The following RHOT2 variants were observed in gnomAD, a reference collection of about 807,000 sequenced individuals.
The protein encoded by RHOT2 is mitochondrial Rho GTPase 2.
RHOT2 carries 90 observed loss-of-function variants against 81.6 expected under a neutral mutation model. That is an observed-to-expected ratio of 1.10 (90% CI 0.93 to 1.31). The LOEUF is 1.31. Among genes scored for constraint, RHOT2 ranks in the 40% most tolerant of loss-of-function variants. RHOT2 has a pLI of 0.00. For missense variants in RHOT2, 1,014 were observed against 841.9 expected, an observed-to-expected ratio of 1.20 and a Z score of -2.53; for synonymous variants, 512 against 370.9, an observed-to-expected ratio of 1.38 and a Z score of -4.37.
At position 670,117 on chromosome 16, in the gene RHOT2, T is replaced by C. The variant is rs1437134701; in HGVS notation, c.277-6T>C. ...CCTCACTTCACAGCCAGGCTTTGCT[T>C]TTCAGATTCGAACTAAGTGGATCCC... is the stretch of plus-strand genomic sequence containing the variant. On this transcript the variant is annotated splice_polypyrimidine_tract_variant and splice_region_variant and intron_variant, in intron 5 of 18. Transcript: ENST00000315082. 2 of 1,559,624 alleles carry C rather than the reference T, an allele frequency of 1.3e-6. No individual in the cohort carries two copies. Among genetic ancestry groups the C allele is most frequent in the Non-Finnish European group, 1.7e-6 (2 of 1,154,198 alleles).
intron 5 of RHOT2, 77 bp downstream of exon 5, chr16:669,683 T>C: frequency 6.9e-7 from 1 of 1,450,248 alleles, no homozygotes; most frequent in South Asian, 1.1e-5. Context: ...ACCCAACCCG[T>C]GGCCAGTGCC....
rs888637889 is a variant in RHOT2, at chr16:671,850, C to A, written c.955-10C>A. On this transcript the variant is annotated splice_polypyrimidine_tract_variant and intron_variant, in intron 12 of 18. Coordinates refer to ENST00000315082, the MANE Select transcript of RHOT2 (RefSeq NM_138769.3). ...CCGGCACACACATCACCACATCCCT[C>A]CTTCTGCAGGACCGCGACGGCGCCC... The A allele has an allele frequency of 3.1e-6, 5 of 1,597,542 alleles. No homozygotes were observed. The highest frequency in any genetic ancestry group is 4.3e-6 in the Non-Finnish European group (5 of 1,174,494).
At position 673,486 on chromosome 16, in the gene RHOT2, G is replaced by A. The variant is rs2039303981; in HGVS notation, c.1737G>A (p.Leu579=). 6.2e-7 allele frequency: 1 copy of A among 1,612,654 alleles called. No individual in the cohort carries two copies. Among genetic ancestry groups the A allele is most frequent in the Non-Finnish European group, 8.5e-7 (1 of 1,179,910 alleles). ...TGATTCTTCTCTCTTGCAGACATTT[G>A]GTCCACGCAGAGCTGCATCCCTCTT... The part of the protein sequence containing the change: ...QLATMAAFPH[L]VHAELHPSSF... Residue 579 remains leucine (L), a synonymous_variant, in exon 19 of 19, where the codon TTG becomes TTA. Coordinates refer to ENST00000315082, the MANE Select transcript of RHOT2 (RefSeq NM_138769.3).
rs2039071886 is a variant in RHOT2 at position 672,182 on chromosome 16, G to A, written c.1195+1G>A. The A allele has an allele frequency of 2.5e-6, 4 of 1,612,702 alleles. No homozygotes were observed. Among genetic ancestry groups the A allele is most frequent in the African/African-American group, 1.3e-5 (1 of 75,060 alleles). ...CAGGACCAGGCCCATGCCATCACAGGTAGGCACCCACCCTCCCTGGGCCTG... is the reference window on the plus strand; with the variant it reads ...CAGGACCAGGCCCATGCCATCACAGATAGGCACCCACCCTCCCTGGGCCTG... On this transcript the variant is annotated splice_donor_variant, in intron 14 of 18. Transcript: ENST00000315082. LOFTEE classifies it high-confidence loss of function.
rs576168319 is a variant in RHOT2 at position 673,682 on chromosome 16, G to C, written c.*76G>C. ...GGGGCTCTGCAGGGGCAGCACAGCT[G>C]GGGTGCAGGCCAGGCTGCCACTCCG... On this transcript the variant is annotated 3_prime_UTR_variant, in exon 19 of 19. Transcript: ENST00000315082. 2.0e-6 allele frequency: 3 copies of C among 1,534,184 alleles called. No homozygotes were observed. Among genetic ancestry groups the C allele is most frequent in the South Asian group, 2.5e-5 (2 of 81,470 alleles).
chr16:669,564 G>T lies in RHOT2; in HGVS notation c.234G>T (p.Val78=), dbSNP rs2151453941. Residue 78 remains valine (V), a synonymous_variant, in exon 5 of 19, where the codon GTG becomes GTT. Transcript: ENST00000315082. The stretch of plus-strand genomic sequence containing the variant: ...CACTGTTCCCTCAGGCAAACGTGGT[G>T]TGTGTGGTGTATGACGTCTCTGAGG... The part of the protein sequence containing the change: ...LREEIHKANV[V]CVVYDVSEEA... The T allele has an allele frequency of 1.9e-6, 3 of 1,612,022 alleles. No individual in the cohort carries two copies. The highest frequency in any genetic ancestry group is 1.7e-4 in the Middle Eastern group (1 of 6,052).
In RHOT2 at chr16:671,443, C is replaced by CGCGT. The variant is rs544325216; in HGVS notation, c.869+242_869+245dup. The stretch of plus-strand genomic sequence containing the variant: ...GGGCTGGCCCTTTGCCAACCCCGCT[C>CGCGT]GCGTGGCTTGTTTACCCTGCTGGGG... On this transcript the variant is annotated intron_variant, in intron 11 of 18. Coordinates refer to ENST00000315082, the MANE Select transcript of RHOT2 (RefSeq NM_138769.3). 9.3e-4 allele frequency: 659 copies of CGCGT among 705,114 alleles called. 5 individuals are homozygous for CGCGT. The African/African-American group carries it at 0.011, about 11-fold the overall frequency. The allele number at this position is 705,114 out of a possible 1,614,324, so 43.7% of individuals were successfully genotyped here.
At chr16:668,456 G>C (rs760524104) in intron 2 of RHOT2, 32 bp from the exon 3 acceptor site, 3 of 1,579,820 alleles carry the variant, frequency 1.9e-6, no homozygotes, top group Admixed American at 3.6e-5. Context: ...GCCCAGCCGG[G>C]GGTCCCTGGT....
chr16:669,681 C>A, intron 5 of RHOT2, 75 bp downstream of exon 5: 2 of 1,467,872 alleles, frequency 1.4e-6, no homozygotes, highest in Non-Finnish European at 1.9e-6. Flanking sequence ...TCACCCAACC[C>A]GTGGCCAGTG....
chr16:673,842 C>G lies in RHOT2; in HGVS notation c.*236C>G, dbSNP rs2039349176. ...TGGCAGGTGGCTGAGCAGGAGCTCC[C>G]AAGTGCCGGCCACCGCTGTCAGGGA... is the stretch of plus-strand genomic sequence containing the variant. On this transcript the variant is annotated 3_prime_UTR_variant, in exon 19 of 19. Transcript: ENST00000315082. The G allele has an allele frequency of 3.2e-6, 2 of 620,290 alleles. No homozygotes were observed. The highest frequency in any genetic ancestry group is 5.8e-6 in the Non-Finnish European group (2 of 346,516). 38.4% of individuals were successfully genotyped at this position (620,290 alleles called of 1,614,324 possible).
Position 668,255 on chromosome 16 carries a change from G to T in RHOT2, c.37+19G>T, listed in dbSNP as rs376753008. On this transcript the variant is annotated intron_variant, in intron 1 of 18. Transcript: ENST00000315082. ...GGCGAGGGTAGGCGCCGGCCCGGGG[G>T]TCTCGGAGCTGCGGCGGCCGTGAGG... The T allele has an allele frequency of 2.2e-5, 18 of 822,066 alleles. No homozygotes were observed. In the African/African-American group the frequency reaches 2.8e-4, roughly 13 times the overall value. 50.9% of individuals were successfully genotyped at this position (822,066 alleles called of 1,614,324 possible).
rs1312869252 is a variant in RHOT2, at chr16:673,609, C to T, written c.*3C>T. On this transcript the variant is annotated 3_prime_UTR_variant, in exon 19 of 19. Transcript: ENST00000315082. The stretch of plus-strand genomic sequence containing the variant: ...GGGTCCTGGTGAAGAGCCAGTGAGG[C>T]CCCTGGTACCCAAGCCCCCTCCCCT... 2 of 1,603,480 alleles carry T rather than the reference C, an allele frequency of 1.2e-6. No individual in the cohort carries two copies. The highest frequency in any genetic ancestry group is 1.3e-5 in the African/African-American group (1 of 74,368).
rs555842570 is a variant in RHOT2, at chr16:669,490, G to A, written c.223-63G>A. The A allele has an allele frequency of 1.1e-4, 175 of 1,551,956 alleles. 1 individual carries two copies. Among genetic ancestry groups the A allele is most frequent in the South Asian group, 5.5e-4 (49 of 88,674 alleles). ...CTGGAGCCTCGAGATGGCGTGGAAC[G>A]GCCAGGGTCGTCGGTGGTGAGCCAG... On this transcript the variant is annotated intron_variant, in intron 4 of 18. Coordinates refer to ENST00000315082, the MANE Select transcript of RHOT2 (RefSeq NM_138769.3).
intron 4 of RHOT2, 128 bp downstream of exon 4, chr16:668,827 T>A: frequency 9.5e-7 from 1 of 1,048,476 alleles, no homozygotes; most frequent in Non-Finnish European, 1.3e-6. Flanking sequence ...ACCTCCGCAC[T>A]GAGGGTTGTC....
At chr16:669,979 C>T in intron 5 of RHOT2, 144 bp from the exon 6 acceptor site, 1 of 722,314 alleles carries the variant, frequency 1.4e-6, no homozygotes, top group Non-Finnish European at 2.2e-6. Context: ...CCTTCTCCCA[C>T]CAGCTTTGTT....
chr16:673,698 T>C lies in RHOT2; in HGVS notation c.*92T>C. 3.4e-6 allele frequency: 5 copies of C among 1,489,528 alleles called. No homozygotes were observed. Among genetic ancestry groups the C allele is most frequent in the Non-Finnish European group, 4.5e-6 (5 of 1,107,068 alleles). 92.3% of individuals were successfully genotyped at this position (1,489,528 alleles called of 1,614,324 possible). A position where few individuals can be genotyped will look rare whatever the true frequency, so the allele number is the denominator to read the frequency against. ...AGCACAGCTGGGGTGCAGGCCAGGCTGCCACTCCGGGAACGCCTTTGCGCC... is the reference window on the plus strand; with the variant it reads ...AGCACAGCTGGGGTGCAGGCCAGGCCGCCACTCCGGGAACGCCTTTGCGCC... On this transcript the variant is annotated 3_prime_UTR_variant, in exon 19 of 19. Transcript: ENST00000315082.
Position 670,917 on chromosome 16 carries a change from C to T in RHOT2, c.665C>T (p.Ala222Val). 4 of 1,568,672 alleles carry T rather than the reference C, an allele frequency of 2.5e-6. No individual in the cohort carries two copies. The highest frequency in any genetic ancestry group is 1.4e-5 in the African/African-American group (1 of 74,032). ...AAATCCTGCTTTGGGCACCCCCTGG[C>T]CCCGCAGGCCCTGGAGGACGTGAAG... Reference protein sequence around the residue: ...FQKSCFGHPLAPQALEDVKTV... With the variant: ...FQKSCFGHPLVPQALEDVKTV... The change falls in exon 10 of 19, where the codon GCC (alanine) becomes GTC (valine). Residue 222 changes from alanine to valine, a missense_variant. By Grantham distance (64) the Ala-to-Val change is moderately conservative (BLOSUM62 0). Coordinates refer to ENST00000315082, the MANE Select transcript of RHOT2 (RefSeq NM_138769.3).
At position 670,957 on chromosome 16, in the gene RHOT2, G is replaced by C. The variant is rs772622845; in HGVS notation, c.705G>C (p.Arg235Ser). The C allele has an allele frequency of 1.3e-6, 2 of 1,573,352 alleles. No homozygotes were observed. Among genetic ancestry groups the C allele is most frequent in the Admixed American group, 3.5e-5 (2 of 57,538 alleles). The change falls in exon 10 of 19, where the codon AGG (arginine) becomes AGC (serine). Residue 235 changes from arginine to serine, a missense_variant. Arg to Ser is a moderately radical substitution (Grantham distance 110). Transcript: ENST00000315082. ...ALEDVKTVVC[R>S]NVAGGVREDR... ...AGGACGTGAAGACGGTGGTGTGCAG[G>C]AACGTGGCGGGCGGCGTGCGGGAGG... is the stretch of plus-strand genomic sequence containing the variant.
At position 672,815 on chromosome 16, in the gene RHOT2, G is replaced by C. The variant is rs754653903; in HGVS notation, c.1517G>C (p.Ser506Thr). Residue 506 changes from serine (S) to threonine (T), a missense_variant, in exon 17 of 19, where the codon AGC becomes ACC. Ser to Thr is a moderately conservative substitution (Grantham distance 58, BLOSUM62 1). Transcript: ENST00000315082. ...SDPKSFAHCA[S>T]VYKHHYMDGQ... is the part of the protein sequence containing the mutation. ...CCAAAGTCCTTTGCACATTGTGCCA[G>C]CGTCTACAAGGTGGGGCCCTGCAGG... is the stretch of plus-strand genomic sequence containing the variant. 56 of 1,612,504 alleles carry C rather than the reference G, an allele frequency of 3.5e-5. No individual in the cohort carries two copies. Among genetic ancestry groups the C allele is most frequent in the Non-Finnish European group, 4.7e-5 (56 of 1,179,988 alleles).
Sources: gnomAD v4.1 joint callset for allele counts on GRCh38, gnomAD v4.1.1 for gene constraint, MANE v1.5 for transcripts, NCBI Gene and HGNC (gene_info 2026-07-23, HGNC 2026-07-21) for gene names.